The following DMD variants were observed in gnomAD, a reference collection of about 807,000 sequenced individuals.
DMD encodes dystrophin, also known as mutant dystrophin.
A neutral mutation model predicts 330.1 loss-of-function variants in DMD; 63 were observed. The ratio of observed to expected loss-of-function variants is 0.19; its 90% CI spans 0.16 to 0.24. The LOEUF (loss-of-function observed/expected upper bound fraction) is 0.24, where lower values mean the gene tolerates loss of function less well. Among genes scored for constraint, DMD ranks in the 10% least tolerant of loss-of-function variants. DMD has a pLI of 1.00. For synonymous variants in DMD, 1,223 were observed against 959.8 expected (o/e 1.27, Z -5.07); for missense variants, 3,344 against 2,684.1 (o/e 1.25, Z -5.43).
At chrX:32,367,336 C>T (rs1337527346) in intron 34 of DMD, among the ~76,000 whole-genome samples, 1 of 111,898 alleles carries the variant, frequency 8.9e-6, no homozygotes, top group African/African-American at 3.2e-5. Context: ...AAGAGATGGA[C>T]ATATACGCAA....
At chrX:32,503,706 C>G (rs2044314026) in intron 18 of DMD, among the ~76,000 whole-genome samples, 1 of 110,104 alleles carries the variant, frequency 9.1e-6, no homozygotes, top group Non-Finnish European at 1.9e-5. Context: ...CAGGCGTGCA[C>G]CACCACGCCC....
At chrX:33,063,521 G>A (rs182241072) in intron 1 of DMD, among the ~76,000 whole-genome samples, 21 of 111,762 alleles carry the variant, frequency 1.9e-4, no homozygotes, top group African/African-American at 5.8e-4. Flanking sequence ...CACTAACACC[G>A]TCAGAGTAAG....
At chrX:31,893,063 T>C (rs1187541332) in intron 47 of DMD, among the ~76,000 whole-genome samples, 1 of 112,236 alleles carries the variant, frequency 8.9e-6, no homozygotes, top group East Asian at 2.8e-4. Context: ...AAATATTAAA[T>C]GAAAGATCAT....
chrX:32,791,018 T>TGG (rs1303510530), intron 7 of DMD, among the ~76,000 whole-genome samples: 1 of 110,995 alleles, frequency 9.0e-6, no homozygotes, highest in African/African-American at 3.3e-5. Flanking sequence ...TATAGAGACC[T>TGG]GGGGCTCTCC....
rs1352900858 is a variant in DMD, at chrX:31,348,569, C to T, written c.9150G>A (p.Gln3050=). ...EAHRDFGPAS[Q]HFLSTSVQGP... is the part of the protein sequence containing the mutation. Reference sequence around the variant, plus strand: ...AAAATGACTTACTGGAAAGAAAGTGCTGAGATGCTGGACCAAAGTCCCTGT... The same window carrying T: ...AAAATGACTTACTGGAAAGAAAGTGTTGAGATGCTGGACCAAAGTCCCTGT... Residue 3050 remains glutamine, a synonymous_variant, in exon 61 of 79, where the codon CAG becomes CAA. Coordinates refer to ENST00000357033, the MANE Select transcript of DMD (RefSeq NM_004006.3). 8.3e-7 allele frequency: 1 copy of T among 1,210,667 alleles called. No homozygotes were observed. Among genetic ancestry groups the T allele is most frequent in the African/African-American group, 1.7e-5 (1 of 57,831 alleles).
At chrX:33,230,013 T>C (rs2052361539) in intron 1 of DMD, among the ~76,000 whole-genome samples, 1 of 112,485 alleles carries the variant, frequency 8.9e-6, no homozygotes, top group Non-Finnish European at 1.9e-5. Flanking sequence ...TGTGCTATTG[T>C]CTGCTATGCA....
chrX:31,992,189 A>G (rs1219031018), intron 44 of DMD, among the ~76,000 whole-genome samples: 3 of 111,834 alleles, frequency 2.7e-5, no homozygotes, highest in Admixed American at 1.9e-4. Flanking sequence ...AGGAATCAAA[A>G]CCAAATCTAT....
chrX:31,735,654 A>G (rs774073036), intron 51 of DMD, among the ~76,000 whole-genome samples: 2 of 112,188 alleles, frequency 1.8e-5, no homozygotes, highest in African/African-American at 3.2e-5. Context: ...GAGGAAAATA[A>G]GAGTATTCAG....
chrX:31,996,212 T>A (rs1231532826), intron 44 of DMD, among the ~76,000 whole-genome samples: 1 of 112,092 alleles, frequency 8.9e-6, no homozygotes, highest in Non-Finnish European at 1.9e-5. Flanking sequence ...CAACATGACA[T>A]AAGTATGAAT....
At chrX:31,764,163 T>A (rs887038337) in intron 51 of DMD, among the ~76,000 whole-genome samples, 1 of 111,907 alleles carries the variant, frequency 8.9e-6, no homozygotes, top group African/African-American at 3.2e-5. Context: ...AGCCATTGTG[T>A]CTGGACCCGT....
intron 11 of DMD, among the ~76,000 whole-genome samples, chrX:32,627,946 A>T (rs1300213847): frequency 9.0e-6 from 1 of 110,643 alleles, no homozygotes; most frequent in Non-Finnish European, 1.9e-5. Context: ...TTTATGGGAT[A>T]CAAGAGACAT....
chrX:31,150,356 T>G (rs966782553), intron 74 of DMD, among the ~76,000 whole-genome samples: 5 of 112,194 alleles, frequency 4.5e-5, no homozygotes, highest in African/African-American at 1.6e-4. Flanking sequence ...TTGGTTATAT[T>G]TGGTTAATTT....
At chrX:32,016,497 G>A (rs1290081463) in intron 44 of DMD, among the ~76,000 whole-genome samples, 2 of 111,846 alleles carry the variant, frequency 1.8e-5, no homozygotes, top group African/African-American at 3.2e-5. Context: ...GGACAGAGGC[G>A]GTATCTAGCA....
intron 7 of DMD, among the ~76,000 whole-genome samples, chrX:32,786,867 G>C (rs956645648): frequency 9.0e-6 from 1 of 111,524 alleles, no homozygotes; most frequent in Non-Finnish European, 1.9e-5. Flanking sequence ...CTACCTCCTA[G>C]AGTTTTTGCA....
intron 29 of DMD, among the ~76,000 whole-genome samples, chrX:32,419,822 G>T (rs956320864): frequency 8.0e-5 from 9 of 111,808 alleles, no homozygotes; most frequent in African/African-American, 2.9e-4. Context: ...TAACGTTTGG[G>T]AATCATTTTA....
chrX:31,834,119 G>C (rs1249785299), intron 49 of DMD, among the ~76,000 whole-genome samples: 1 of 111,411 alleles, frequency 9.0e-6, no homozygotes, highest in Non-Finnish European at 1.9e-5. Flanking sequence ...TGGACTCAAA[G>C]TTTAAAAAGG....
intron 55 of DMD, among the ~76,000 whole-genome samples, chrX:31,539,943 A>G (rs1337382426): frequency 9.0e-6 from 1 of 111,461 alleles, no homozygotes; most frequent in African/African-American, 3.3e-5. Context: ...TGAAAGAGGA[A>G]GTACAAGGAA....
At chrX:32,035,207 A>T (rs1230140052) in intron 44 of DMD, among the ~76,000 whole-genome samples, 2 of 111,741 alleles carry the variant, frequency 1.8e-5, no homozygotes, top group Non-Finnish European at 3.8e-5. Context: ...GCAAAAGACG[A>T]CAAAAGCATC....
intron 9 of DMD, 147 bp downstream of exon 9, chrX:32,697,723 T>A: frequency 2.8e-6 from 2 of 726,571 alleles, no homozygotes; most frequent in South Asian, 2.4e-5. Context: ...CAGAATCACA[T>A]GAGGGAATCA....
Sources: gnomAD v4.1 joint callset for allele counts (sites outside exome capture counted in the v4.1 genomes callset) on GRCh38, gnomAD v4.1.1 for gene constraint, MANE v1.5 for transcripts, NCBI Gene and HGNC (gene_info 2026-07-23, HGNC 2026-07-21) for gene names.